Variants in LAMA4 observed in about 807,000 individuals in gnomAD.
LAMA4 encodes the protein laminin subunit alpha 4.
Under a neutral mutation model 207.1 loss-of-function variants are expected in LAMA4, and 127 were observed. The ratio of observed to expected loss-of-function variants is 0.61; its 90% CI spans 0.53 to 0.71. The LOEUF (loss-of-function observed/expected upper bound fraction) is 0.71, where lower values mean the gene tolerates loss of function less well. LAMA4 is among the 30% of genes least tolerant of loss of function. The probability of loss-of-function intolerance (pLI) is 0.00; values close to 1 mark genes in which losing one functional copy is unlikely to be tolerated. For missense variants in LAMA4, 2,093 were observed against 2,246.5 expected (o/e 0.93, Z 1.38); for synonymous variants, 761 against 816.0 (o/e 0.93, Z 1.15).
intron 31 of LAMA4, among the ~76,000 whole-genome samples, chr6:112,126,606 T>A (rs1465925938): frequency 1.3e-5 from 2 of 152,170 alleles, no homozygotes; most frequent in Admixed American, 6.5e-5. Flanking sequence ...AGTCCACATA[T>A]GCTCAAATAT....
chr6:112,227,392 C>T (rs1785283753), intron 2 of LAMA4, among the ~76,000 whole-genome samples: 1 of 151,918 alleles, frequency 6.6e-6, no homozygotes, highest in African/African-American at 2.4e-5. Flanking sequence ...TCTTAAAATC[C>T]ATGGAGGACA....
At position 112,201,591 on chromosome 6, in the gene LAMA4, G is replaced by T. The variant is rs781819097; in HGVS notation, c.503+17C>A. ...TCCTTTGACCCACACAGAAAATAGA[G>T]AATTTTATTGGCTTACCTTTCACAG... On this transcript the variant is annotated intron_variant, in intron 5 of 38. Coordinates refer to ENST00000230538, the MANE Select transcript of LAMA4 (RefSeq NM_001105206.3). 1.9e-6 allele frequency: 3 copies of T among 1,604,770 alleles called. No homozygotes were observed. Among genetic ancestry groups the T allele is most frequent in the Non-Finnish European group, 2.6e-6 (3 of 1,171,634 alleles).
intron 18 of LAMA4, among the ~76,000 whole-genome samples, chr6:112,145,665 C>T (rs2114726153): frequency 1.3e-5 from 2 of 152,304 alleles, no homozygotes; most frequent in Middle Eastern, 6.8e-3. Flanking sequence ...ACTCAGACCT[C>T]AGTATGGGCT....
At chr6:112,122,439 G>C (rs1289697106) in intron 31 of LAMA4, among the ~76,000 whole-genome samples, 2 of 152,118 alleles carry the variant, frequency 1.3e-5, no homozygotes, top group African/African-American at 4.8e-5. Context: ...CTTCCGCATG[G>C]TAGTAAAGCA....
intron 12 of LAMA4, among the ~76,000 whole-genome samples, chr6:112,170,373 A>C (rs1239901684): frequency 6.6e-6 from 1 of 152,210 alleles, no homozygotes; most frequent in East Asian, 1.9e-4. Flanking sequence ...AGTACGGAAC[A>C]TAGTTCTGGG....
At chr6:112,163,177 A>G (rs1554338905) in intron 13 of LAMA4, among the ~76,000 whole-genome samples, 1 of 151,758 alleles carries the variant, frequency 6.6e-6, no homozygotes, top group African/African-American at 2.4e-5. Flanking sequence ...AGGGGGTCTC[A>G]CTATGTTTCC....
Position 112,178,206 on chromosome 6 carries a change from T to C in LAMA4, c.1104A>G (p.Gln368=), listed in dbSNP as rs782501242. The C allele has an allele frequency of 2.7e-5, 43 of 1,613,762 alleles. No homozygotes were observed. In the Admixed American group the frequency reaches 5.3e-4, roughly 20 times the overall value. ...TGTCCATGCTTTCCTTCTGAACAAG[T>C]TGTCCTTTTCTGGAGGCTTGATTTT... ...EKENQASRKG[Q]LVQKESMDTI... Residue 368 remains glutamine (Q), a synonymous_variant, in exon 10 of 39, where the codon CAA becomes CAG. Transcript: ENST00000230538.
At chr6:112,129,170 A>G (rs1778877873) in intron 30 of LAMA4, 95 bp from the exon 31 acceptor site, 1 of 944,620 alleles carries the variant, frequency 1.1e-6, no homozygotes, top group Non-Finnish European at 1.6e-6. Context: ...GGCAATTAAA[A>G]TGTGTGTGTG....
intron 32 of LAMA4, among the ~76,000 whole-genome samples, chr6:112,121,036 TG>T (rs1311034789): frequency 6.6e-6 from 1 of 152,002 alleles, no homozygotes; most frequent in East Asian, 1.9e-4. Context: ...ATCATGCCAC[TG>T]CCCTCCAGCC....
At chr6:112,156,073 C>T (rs1266562570) in intron 14 of LAMA4, among the ~76,000 whole-genome samples, 3 of 152,158 alleles carry the variant, frequency 2.0e-5, no homozygotes, top group African/African-American at 7.2e-5. Flanking sequence ...ATTGTTATTT[C>T]CTTTCTGTAG....
chr6:112,220,716 C>T (rs1408369413), intron 2 of LAMA4, among the ~76,000 whole-genome samples: 1 of 151,952 alleles, frequency 6.6e-6, no homozygotes, highest in Non-Finnish European at 1.5e-5. Context: ...AGAGTCATAC[C>T]AACAATACTG....
chr6:112,155,751 G>A (rs1554336811), intron 14 of LAMA4, 45 bp from the exon 15 acceptor site: 2 of 1,599,822 alleles, frequency 1.3e-6, no homozygotes, highest in African/African-American at 1.3e-5. Context: ...TACCTTCTTG[G>A]GGAATGGGGC....
chr6:112,254,262 A>G lies in LAMA4; in HGVS notation c.-112T>C. On this transcript the variant is annotated 5_prime_UTR_variant, in exon 2 of 39. Coordinates refer to ENST00000230538, the MANE Select transcript of LAMA4 (RefSeq NM_001105206.3). ...CTTATTTTCCCTCCTCTCCGTGTGC[A>G]GTATCCCGAGGTGGCTGCGCAACCA... is the stretch of plus-strand genomic sequence containing the variant. 7.2e-7 allele frequency: 1 copy of G among 1,389,148 alleles called. No individual in the cohort carries two copies. The highest frequency in any genetic ancestry group is 1.0e-6 in the Non-Finnish European group (1 of 993,096). 86.1% of individuals were successfully genotyped at this position (1,389,148 alleles called of 1,614,324 possible).
Position 112,120,471 on chromosome 6 carries a change from A to T in LAMA4, c.4477T>A (p.Ser1493Thr). 1.9e-6 allele frequency: 3 copies of T among 1,610,986 alleles called. No individual in the cohort carries two copies. Among genetic ancestry groups the T allele is most frequent in the African/African-American group, 1.3e-5 (1 of 75,004 alleles). ...GTTCTCAGACGAATGGAAAACTGAG[A>T]TCTGGTAAATGAAAAGAAAGGGATT... ...EHLKGDFGAK[S>T]QFSIRLRTRS... Residue 1493 changes from serine to threonine, a missense_variant and splice_region_variant, in exon 33 of 39, where the codon TCT (serine) becomes ACT (threonine). Physicochemically the swap from Ser to Thr is moderately conservative, Grantham distance 58 (BLOSUM62 1). Around this residue, in one of 3 missense-constraint regions of LAMA4, gnomAD observed 383 missense variants for 437.8 expected, o/e 0.87. Coordinates refer to ENST00000230538, the MANE Select transcript of LAMA4 (RefSeq NM_001105206.3).
chr6:112,159,809 G>A (rs1554337924), intron 13 of LAMA4, among the ~76,000 whole-genome samples: 2 of 152,194 alleles, frequency 1.3e-5, no homozygotes, highest in African/African-American at 4.8e-5. Context: ...TCCTGTGAGA[G>A]GGGAGTGGTT....
At chr6:112,200,644 A>G (rs1340494940) in intron 5 of LAMA4, among the ~76,000 whole-genome samples, 16 of 152,242 alleles carry the variant, frequency 1.1e-4, no homozygotes, top group Non-Finnish European at 2.1e-4. Flanking sequence ...AATGCCCATC[A>G]ATGATAGACT....
chr6:112,242,386 G>GT (rs1438880190), intron 2 of LAMA4, among the ~76,000 whole-genome samples: 11 of 152,110 alleles, frequency 7.2e-5, no homozygotes, highest in Admixed American at 7.2e-4. Context: ...CATAATTTAT[G>GT]TTTTTTGGGT....
intron 2 of LAMA4, among the ~76,000 whole-genome samples, chr6:112,249,441 C>CA (rs71762704): frequency 0.28 from 14,835 of 52,362 alleles, 2,618 homozygotes; most frequent in Middle Eastern, 0.37. Context: ...GACTCTGTTT[C>CA]AAAAAAAAAA....
chr6:112,190,947 CCTTTCTTTCTTT>C lies in LAMA4; in HGVS notation c.718+677_718+688del, dbSNP rs199702092. On this transcript the variant is annotated intron_variant, in intron 6 of 38. Transcript: ENST00000230538. ...TCTTTCTTTCTTTCTTTCTTTCTTT[CCTTTCTTTCTTT>C]CTTTCTTTCTTTCTTTCTTTCTTTC... is the stretch of plus-strand genomic sequence containing the variant. Among the ~76,000 whole-genome samples, 44 of 40,510 alleles carry C rather than the reference CCTTTCTTTCTTT, an allele frequency of 1.1e-3. 1 individual carries two copies. The highest frequency in any genetic ancestry group is 9.7e-3 in the East Asian group (14 of 1,436). 26.6% of individuals were successfully genotyped at this position (40,510 alleles called of 152,430 possible). A position where few individuals can be genotyped will look rare whatever the true frequency, so the allele number is the denominator to read the frequency against.
Sources: allele counts gnomAD v4.1 joint callset (sites outside exome capture counted in the v4.1 genomes callset), GRCh38; gene constraint gnomAD v4.1.1; regional missense constraint gnomAD v4.1.1; transcripts MANE v1.5; gene names NCBI Gene and HGNC (gene_info 2026-07-23, HGNC 2026-07-21).